The following ZAN variants were observed in gnomAD, a reference collection of about 807,000 sequenced individuals.
ZAN encodes the protein zonadhesin.
A neutral mutation model predicts 286.2 loss-of-function variants in ZAN; 260 were observed. The observed-to-expected ratio is 0.91, with a 90% CI of 0.82 to 1.01. The LOEUF (loss-of-function observed/expected upper bound fraction) is 1.01, where lower values mean the gene tolerates loss of function less well. Among genes scored for constraint, ZAN ranks in the 50% least tolerant of loss-of-function variants. The probability of loss-of-function intolerance (pLI) is 0.00; values close to 1 mark genes in which losing one functional copy is unlikely to be tolerated. For missense variants in ZAN, 3,410 were observed against 3,639.2 expected (o/e 0.94, Z 1.62); for synonymous variants, 1,368 against 1,417.5 (o/e 0.97, Z 0.79).
At position 100,763,521 on chromosome 7, in the gene ZAN, G is replaced by A. The variant is rs1432137282; in HGVS notation, c.3987-285G>A. Among the ~76,000 whole-genome samples the A allele has an allele frequency of 6.6e-6, 1 of 152,070 alleles. No individual in the cohort carries two copies. The highest frequency in any genetic ancestry group is 1.5e-5 in the Non-Finnish European group (1 of 68,020). ...TGAGTAGCTGGGGCTATGGACGTGC[G>A]CCATATGAAATATGAAATAAATAAT... On this transcript the variant is annotated intron_variant, in intron 20 of 47. Transcript: ENST00000613979. The surrounding 1 kb of genome is among the most constrained non-coding windows in gnomAD (Gnocchi z 4.6).
chr7:100,779,770 A>G lies in ZAN; in HGVS notation c.6622+20A>G. On this transcript the variant is annotated intron_variant, in intron 35 of 47. Coordinates refer to ENST00000613979, the MANE Select transcript of ZAN (RefSeq NM_003386.3). ...TCTGCCGTGAGTGTGCCCTGCTGTC[A>G]CCCCAAACCCCTCCCAAACCCCCTT... 1 of 1,535,334 alleles carries G rather than the reference A, an allele frequency of 6.5e-7. No homozygotes were observed. Among genetic ancestry groups the G allele is most frequent in the Non-Finnish European group, 8.8e-7 (1 of 1,139,498 alleles).
Position 100,779,522 on chromosome 7 carries a change from G to C in ZAN, c.6394G>C (p.Ala2132Pro). 1 of 1,612,508 alleles carries C rather than the reference G, an allele frequency of 6.2e-7. No homozygotes were observed. Among genetic ancestry groups the C allele is most frequent in the South Asian group, 1.1e-5 (1 of 90,764 alleles). Residue 2132 changes from alanine to proline, a missense_variant, in exon 35 of 48, where the codon GCC (alanine) becomes CCC (proline). Ala to Pro is a conservative substitution (Grantham distance 27). Coordinates refer to ENST00000613979, the MANE Select transcript of ZAN (RefSeq NM_003386.3). The stretch of plus-strand genomic sequence containing the variant: ...GAACCCGAGTGGAAACTGCAGGGCG[G>C]CCGACCTCCGCAGGGCGCGGGAAAA... ...QENPSGNCRA[A>P]DLRRAREKCE...
chr7:100,750,539 C>G, intron 11 of ZAN, 86 bp from the exon 12 acceptor site: 1 of 1,474,658 alleles, frequency 6.8e-7, no homozygotes, highest in South Asian at 1.3e-5. Flanking sequence ...CTCAGATTCC[C>G]GTTCAGAAAG....
intron 19 of ZAN, among the ~76,000 whole-genome samples, chr7:100,761,427 G>T (rs59111982): frequency 0.036 from 5,474 of 152,092 alleles, 169 homozygotes; most frequent in African/African-American, 0.078. Flanking sequence ...ATCACTTGAG[G>T]CCAGGAGTTC....
chr7:100,764,043 G>A lies in ZAN; in HGVS notation c.4114G>A (p.Val1372Met), dbSNP rs141841425. The A allele has an allele frequency of 1.1e-4, 182 of 1,613,856 alleles. No homozygotes were observed. The African/African-American group carries it at 2.0e-3, about 18-fold the overall frequency. ...HGPFETCLLHVKAASFFDSCM... is the reference protein window; with the variant it reads ...HGPFETCLLHMKAASFFDSCM... ...TCCCCTCAGGACATGCCTGCTGCAC[G>A]TGAAGGCCGCTTCCTTCTTCGACAG... The change falls in exon 22 of 48, where the codon GTG (valine) becomes ATG (methionine). Residue 1372 changes from valine to methionine, a missense_variant. By Grantham distance (21) the Val-to-Met change is conservative. This residue lies in a region of ZAN where 1,042 missense variants were observed against 1,058.0 expected (regional missense o/e 0.98). Coordinates refer to ENST00000613979, the MANE Select transcript of ZAN (RefSeq NM_003386.3).
chr7:100,735,206 G>A (rs1465310838), intron 2 of ZAN, among the ~76,000 whole-genome samples: 2 of 136,928 alleles, frequency 1.5e-5, no homozygotes, highest in Non-Finnish European at 3.3e-5. Flanking sequence ...AAAAAGAAAT[G>A]ATGGATGTCT....
chr7:100,738,361 T>G, intron 6 of ZAN, 100 bp from the exon 7 acceptor site: 73 of 1,163,056 alleles, frequency 6.3e-5, no homozygotes, highest in Non-Finnish European at 8.0e-5. Flanking sequence ...GAGGCCGCAG[T>G]GAGCTATGAT....
rs200718653 is a variant in ZAN at position 100,765,498 on chromosome 7, G to A, written c.4414G>A (p.Glu1472Lys). 13 of 1,612,384 alleles carry A rather than the reference G, an allele frequency of 8.1e-6. No individual in the cohort carries two copies. Among genetic ancestry groups the A allele is most frequent in the African/African-American group, 1.3e-5 (1 of 74,904 alleles). The change falls in exon 23 of 48, where the codon GAG becomes AAG. Residue 1472 changes from glutamate (E) to lysine (K), a missense_variant. By Grantham distance (56) the Glu-to-Lys change is moderately conservative (BLOSUM62 1). Transcript: ENST00000613979. ...CNPGFVLSGL[E>K]CIPRSQCGCL... ...TCCGGGCTTCGTCCTCAGTGGCCTC[G>A]AGTGCATACCTCGCTCCCAGTGTGG... is the stretch of plus-strand genomic sequence containing the variant.
intron 3 of ZAN, among the ~76,000 whole-genome samples, chr7:100,736,251 T>A (rs896693816): frequency 1.4e-5 from 2 of 142,672 alleles, no homozygotes; most frequent in Non-Finnish European, 3.2e-5. Flanking sequence ...TCCCTCAGGC[T>A]GGAGTGCAGT....
In ZAN at chr7:100,797,410, GTGGTCGTACTAC is replaced by G. The variant is rs1812431375; in HGVS notation, c.8315_8326del (p.Val2772_Leu2775del). On this transcript the variant is annotated inframe_deletion, in exon 46 of 48. Coordinates refer to ENST00000613979, the MANE Select transcript of ZAN (RefSeq NM_003386.3). ...CCTACTGGGACTGCTGGTGCCTGTG[GTGGTCGTACTAC>G]TGGCCGTGACCAGAGAGTGCATTTA... is the stretch of plus-strand genomic sequence containing the variant. 1 of 1,613,890 alleles carries G rather than the reference GTGGTCGTACTAC, an allele frequency of 6.2e-7. No individual in the cohort carries two copies.
intron 28 of ZAN, 135 bp from the exon 29 acceptor site, chr7:100,771,709 G>A (rs1476479584): frequency 8.7e-6 from 8 of 920,232 alleles, no homozygotes; most frequent in Middle Eastern, 5.7e-4. Flanking sequence ...TGGGATTACA[G>A]GTGTGAGCCA....
In ZAN at chr7:100,751,713, A is replaced by G. The variant is rs187177323; in HGVS notation, c.1608A>G (p.Val536=). The G allele has an allele frequency of 1.6e-4, 251 of 1,575,614 alleles. 1 individual carries two copies. The highest frequency in any genetic ancestry group is 3.3e-4 in the Admixed American group (16 of 48,198). The part of the protein sequence containing the change: ...FILINPGTCP[V]KVLPELPPVS... ...AGGGATTCTTATTTTTCTTTGCAGT[A>G]AAAGTGCTACCAGAGCTTCCTCCCG... Residue 536 remains valine, a splice_region_variant and synonymous_variant, in exon 14 of 48, where the codon GTA becomes GTG. Coordinates refer to ENST00000613979, the MANE Select transcript of ZAN (RefSeq NM_003386.3).
intron 19 of ZAN, among the ~76,000 whole-genome samples, chr7:100,761,808 G>A (rs574528928): frequency 6.6e-6 from 1 of 151,486 alleles, no homozygotes; most frequent in Non-Finnish European, 1.5e-5. Context: ...GCGTGGTGGT[G>A]TGTGCCTGTA....
chr7:100,765,610 T>C lies in ZAN; in HGVS notation c.4470+56T>C. On this transcript the variant is annotated intron_variant, in intron 23 of 47. Coordinates refer to ENST00000613979, the MANE Select transcript of ZAN (RefSeq NM_003386.3). ...CAGCTAGAAAGGGCCTGCTCCCTGC[T>C]CTCACACCCCCTGCAAGCTCTTTCT... 4 of 1,517,282 alleles carry C rather than the reference T, an allele frequency of 2.6e-6. No individual in the cohort carries two copies. In the South Asian group the frequency reaches 3.6e-5, roughly 14 times the overall value. The allele number at this position is 1,517,282 out of a possible 1,614,324, so 94.0% of individuals were successfully genotyped here.
At chr7:100,750,415 A>G (rs1011009138) in intron 11 of ZAN, among the ~76,000 whole-genome samples, 1 of 152,144 alleles carries the variant, frequency 6.6e-6, no homozygotes, top group Admixed American at 6.6e-5. Context: ...GATTACAGGC[A>G]TGAGCCACCG....
At position 100,737,281 on chromosome 7, in the gene ZAN, G is replaced by A. The variant is rs752952727; in HGVS notation, c.545G>A (p.Arg182Gln). 12 of 1,488,508 alleles carry A rather than the reference G, an allele frequency of 8.1e-6. 1 individual carries two copies. Among genetic ancestry groups the A allele is most frequent in the African/African-American group, 4.3e-5 (3 of 70,300 alleles). 92.2% of individuals were successfully genotyped at this position (1,488,508 alleles called of 1,614,324 possible). Residue 182 changes from arginine to glutamine, a missense_variant, in exon 6 of 48, where the codon CGG (arginine) becomes CAG (glutamine). Arg to Gln is a conservative substitution (Grantham distance 43). Around this residue, in one of 7 missense-constraint regions of ZAN, gnomAD observed 872 missense variants for 938.9 expected, o/e 0.93. Coordinates refer to ENST00000613979, the MANE Select transcript of ZAN (RefSeq NM_003386.3). ...LPTRLMFEGT[R>Q]GSTAYLDIAL... ...TTGCAGCTGATGTTTGAGGGAACAC[G>A]GGGTAGCACTGCCTACCTGGACATC...
At chr7:100,774,793 A>G (rs1188551208) in intron 31 of ZAN, among the ~76,000 whole-genome samples, 1 of 151,792 alleles carries the variant, frequency 6.6e-6, no homozygotes, top group African/African-American at 2.4e-5. Flanking sequence ...ATGCCATTGC[A>G]TTCCAGCCTG....
At position 100,795,179 on chromosome 7, in the gene ZAN, C is replaced by T. The variant is rs369190312; in HGVS notation, c.8126-17C>T. ...CCTCCCAGGGCCCCCCTCCCACAACCCTCTCTGTCCTTGCAGAAAGCCCGT... is the reference window on the plus strand; with the variant it reads ...CCTCCCAGGGCCCCCCTCCCACAACTCTCTCTGTCCTTGCAGAAAGCCCGT... On this transcript the variant is annotated splice_polypyrimidine_tract_variant and intron_variant, in intron 44 of 47. Transcript: ENST00000613979. 2 of 1,603,602 alleles carry T rather than the reference C, an allele frequency of 1.2e-6. No individual in the cohort carries two copies. Among genetic ancestry groups the T allele is most frequent in the South Asian group, 1.1e-5 (1 of 89,802 alleles).
chr7:100,767,228 A>T lies in ZAN; in HGVS notation c.4831A>T (p.Ile1611Phe), dbSNP rs748916950. 6 of 1,612,142 alleles carry T rather than the reference A, an allele frequency of 3.7e-6. No homozygotes were observed. Among genetic ancestry groups the T allele is most frequent in the Non-Finnish European group, 4.2e-6 (5 of 1,179,826 alleles). ...CCACGTGACAGTCTTTGACCTCAGC[A>T]TCTCACTGCTCAGAGGCTGTAAGGT... is the stretch of plus-strand genomic sequence containing the variant. The part of the protein sequence containing the change: ...AVHVTVFDLS[I>F]SLLRGCKVML... The change falls in exon 25 of 48, where the codon ATC becomes TTC. Residue 1611 changes from isoleucine to phenylalanine, a missense_variant. By Grantham distance (21) the Ile-to-Phe change is conservative (BLOSUM62 0). Transcript: ENST00000613979.
Sources: allele counts gnomAD v4.1 joint callset (sites outside exome capture counted in the v4.1 genomes callset), GRCh38; gene constraint gnomAD v4.1.1; regional missense constraint gnomAD v4.1.1; non-coding constraint Gnocchi (gnomAD v3.1); transcripts MANE v1.5; gene names NCBI Gene and HGNC (gene_info 2026-07-23, HGNC 2026-07-21).